BARD1: variants seen among roughly 807,000 people sequenced by gnomAD.
BARD1 encodes BRCA1-associated RING domain protein 1.
BARD1 carries 73 observed loss-of-function variants against 77.0 expected under a neutral mutation model. The observed-to-expected ratio is 0.95, with a 90% CI of 0.79 to 1.15. The LOEUF (loss-of-function observed/expected upper bound fraction) is 1.15, where lower values mean the gene tolerates loss of function less well. Ranked by LOEUF, BARD1 falls within the 50% of genes most tolerant of loss-of-function variation. BARD1 has a pLI of 0.00. For synonymous variants in BARD1, 384 were observed against 338.0 expected (o/e 1.14, Z -1.49); for missense variants, 993 against 938.8 (o/e 1.06, Z -0.75).
chr2:214,738,880 C>T (rs986737451), intron 9 of BARD1, among the ~76,000 whole-genome samples: 3 of 152,064 alleles, frequency 2.0e-5, no homozygotes, highest in African/African-American at 7.2e-5. Flanking sequence ...CCTGGTGGCT[C>T]GCACTTGTAA....
At chr2:214,752,361 G>C in intron 7 of BARD1, 86 bp downstream of exon 7, 1 of 1,161,854 alleles carries the variant, frequency 8.6e-7, no homozygotes, top group Non-Finnish European at 1.3e-6. Context: ...TAAGCAATTG[G>C]TCAAATGGAA....
intron 10 of BARD1, 105 bp from the exon 11 acceptor site, chr2:214,729,113 C>A: frequency 7.6e-7 from 1 of 1,315,212 alleles, no homozygotes; most frequent in Non-Finnish European, 1.1e-6. Context: ...TATCCCTTAC[C>A]TGAAACATTT....
At position 214,780,699 on chromosome 2, in the gene BARD1, G is replaced by A. The variant is rs1553622210; in HGVS notation, c.1175C>T (p.Pro392Leu). 7.4e-6 allele frequency: 12 copies of A among 1,614,066 alleles called. No homozygotes were observed. The East Asian group carries it at 1.3e-4, about 18-fold the overall frequency. ...ACTTAATGTAGAAGGTGGTGTACCT[G>A]GTGAAAGACTAATGAATTCATCGGA... ...NMSDEFISLS[P>L]GTPPSTLSSS... The change falls in exon 4 of 11, where the codon CCA becomes CTA. Residue 392 changes from proline to leucine, a missense_variant. Pro to Leu is a moderately conservative substitution (Grantham distance 98, BLOSUM62 -3). Transcript: ENST00000260947.
intron 3 of BARD1, among the ~76,000 whole-genome samples, chr2:214,785,021 T>TA (rs10711790): frequency 1.3e-4 from 19 of 146,218 alleles, no homozygotes; most frequent in African/African-American, 2.3e-4. Context: ...AAATTATAGT[T>TA]AAAAAAAAAA....
At chr2:214,788,100 T>A (rs535943901) in intron 3 of BARD1, among the ~76,000 whole-genome samples, 1 of 152,060 alleles carries the variant, frequency 6.6e-6, no homozygotes, top group East Asian at 1.9e-4. Flanking sequence ...TGAAACACTA[T>A]GTAATCGTTA....
At chr2:214,770,028 CAA>C (rs1694405589) in intron 4 of BARD1, among the ~76,000 whole-genome samples, 1 of 152,100 alleles carries the variant, frequency 6.6e-6, no homozygotes, top group Non-Finnish European at 1.5e-5. Context: ...TCAGTGAAAC[CAA>C]AGTTAAAAAA....
intron 7 of BARD1, among the ~76,000 whole-genome samples, chr2:214,748,965 T>C (rs1693272438): frequency 6.6e-6 from 1 of 152,096 alleles, no homozygotes; most frequent in Admixed American, 6.6e-5. Flanking sequence ...CTCACACAGT[T>C]TATATTCTAG....
chr2:214,797,044 A>C lies in BARD1; in HGVS notation c.215+17T>G. 6.3e-7 allele frequency: 1 copy of C among 1,594,308 alleles called. No individual in the cohort carries two copies. Among genetic ancestry groups the C allele is most frequent in the Non-Finnish European group, 8.6e-7 (1 of 1,162,102 alleles). Reference sequence around the variant, plus strand: ...AAAATACAGTTGTACTATATACATCAAACCGTAATTACTTACCTACAGAAG... The same window carrying C: ...AAAATACAGTTGTACTATATACATCCAACCGTAATTACTTACCTACAGAAG... On this transcript the variant is annotated intron_variant, in intron 2 of 10. Transcript: ENST00000260947.
At chr2:214,804,103 G>C (rs1018378349) in intron 1 of BARD1, among the ~76,000 whole-genome samples, 1 of 152,190 alleles carries the variant, frequency 6.6e-6, no homozygotes, top group East Asian at 1.9e-4. Context: ...AATCCTCAAG[G>C]TAATTTTAAC....
chr2:214,785,591 T>A (rs115458497), intron 3 of BARD1, among the ~76,000 whole-genome samples: 2,612 of 152,106 alleles, frequency 0.017, 23 homozygotes, highest in Middle Eastern at 0.031. Flanking sequence ...TTTAGTCTAA[T>A]TCTTTCATTT....
At chr2:214,773,369 A>G (rs982567985) in intron 4 of BARD1, among the ~76,000 whole-genome samples, 11 of 152,230 alleles carry the variant, frequency 7.2e-5, no homozygotes, top group Non-Finnish European at 1.6e-4. Flanking sequence ...CTTCTTGGCA[A>G]TTAGATGCCA....
Position 214,728,876 on chromosome 2 carries a change from C to A in BARD1, c.2134G>T (p.Asp712Tyr), listed in dbSNP as rs1553612168. ...ILSRKPKPDS[D>Y]VTQTINTVAY... ...ACTGTATTGATGGTCTGAGTCACGTCACTGTCTGGCTTGGGCTTTCTACTG... is the reference window on the plus strand; with the variant it reads ...ACTGTATTGATGGTCTGAGTCACGTAACTGTCTGGCTTGGGCTTTCTACTG... The change falls in exon 11 of 11, where the codon GAC (aspartate) becomes TAC (tyrosine). Residue 712 changes from aspartate (D) to tyrosine (Y), a missense_variant. Transcript: ENST00000260947. 6.2e-7 allele frequency: 1 copy of A among 1,614,184 alleles called. No individual in the cohort carries two copies. Among genetic ancestry groups the A allele is most frequent in the Non-Finnish European group, 8.5e-7 (1 of 1,180,030 alleles).
intron 4 of BARD1, among the ~76,000 whole-genome samples, chr2:214,777,313 T>C (rs1365781331): frequency 2.0e-5 from 3 of 152,054 alleles, no homozygotes; most frequent in Admixed American, 6.5e-5. Context: ...CAGAGGTAGT[T>C]TGGGGCAAGG....
chr2:214,737,001 AG>A (rs1692595641), intron 9 of BARD1, among the ~76,000 whole-genome samples: 1 of 152,164 alleles, frequency 6.6e-6, no homozygotes, highest in Non-Finnish European at 1.5e-5. Context: ...GGATGTTTCC[AG>A]GTCTACAACT....
rs1364808568 is a variant in BARD1, at chr2:214,774,159, G to C, written c.1315-4847C>G. Reference sequence around the variant, plus strand: ...TCTTGCTATTTCTACTACATCTATAGTTACTTTCTCCACTTAAGTTCTGAA... The same window carrying C: ...TCTTGCTATTTCTACTACATCTATACTTACTTTCTCCACTTAAGTTCTGAA... On this transcript the variant is annotated intron_variant, in intron 4 of 10. Coordinates refer to ENST00000260947, the MANE Select transcript of BARD1 (RefSeq NM_000465.4). Among the ~76,000 whole-genome samples the C allele has an allele frequency of 2.6e-5, 4 of 152,102 alleles. No homozygotes were observed. In the East Asian group the frequency reaches 7.7e-4, roughly 29 times the overall value.
At chr2:214,731,425 C>G (rs141427094) in intron 9 of BARD1, among the ~76,000 whole-genome samples, 2 of 152,126 alleles carry the variant, frequency 1.3e-5, no homozygotes, top group Non-Finnish European at 2.9e-5. Context: ...TACCACCAAG[C>G]GAGGGAACTG....
chr2:214,793,278 A>G (rs2106137876), intron 2 of BARD1, among the ~76,000 whole-genome samples: 1 of 152,236 alleles, frequency 6.6e-6, no homozygotes, highest in South Asian at 2.1e-4. Context: ...AACAAAACCT[A>G]TGCCATTTCT....
At chr2:214,805,646 G>T (rs1696235917) in intron 1 of BARD1, among the ~76,000 whole-genome samples, 1 of 152,054 alleles carries the variant, frequency 6.6e-6, no homozygotes, top group South Asian at 2.1e-4. Context: ...AAATAATGGA[G>T]CCAGGATTTG....
At chr2:214,798,978 G>A (rs1446220507) in intron 1 of BARD1, among the ~76,000 whole-genome samples, 2 of 151,992 alleles carry the variant, frequency 1.3e-5, no homozygotes, top group African/African-American at 4.8e-5. Context: ...TTAGCCAGGT[G>A]TGGTGGTGCA....
Sources: allele counts gnomAD v4.1 joint callset (sites outside exome capture counted in the v4.1 genomes callset), GRCh38; gene constraint gnomAD v4.1.1; transcripts MANE v1.5; gene names NCBI Gene and HGNC (gene_info 2026-07-23, HGNC 2026-07-21).